The following PYROXD2 variants were observed in gnomAD, a reference collection of about 807,000 sequenced individuals.
The protein encoded by PYROXD2 is pyridine nucleotide-disulphide oxidoreductase domain 2, also known as pyridine nucleotide-disulfide oxidoreductase domain-containing protein 2.
In PYROXD2, 69 loss-of-function variants were observed where a neutral mutation model predicts 71.1. That is an observed-to-expected ratio of 0.97 (90% confidence interval 0.80 to 1.19). PYROXD2 has a LOEUF of 1.19. PYROXD2 is among the 50% of genes most tolerant of loss of function. PYROXD2 has a pLI of 0.00. For synonymous variants in PYROXD2, 287 were observed against 302.7 expected (o/e 0.95, Z 0.54); for missense variants, 745 against 748.9 (o/e 0.99, Z 0.06).
rs376971087 is a variant in PYROXD2, at chr10:98,388,337, C to T, written c.1447+17G>A. On this transcript the variant is annotated intron_variant, in intron 13 of 15. Transcript: ENST00000370575. ...CCCGGCTGTGGCTCTGGAGGCAGAACGTGCAGCTGTCTTTACCTCTGTCTG... is the reference window on the plus strand; with the variant it reads ...CCCGGCTGTGGCTCTGGAGGCAGAATGTGCAGCTGTCTTTACCTCTGTCTG... 8 of 1,613,474 alleles carry T rather than the reference C, an allele frequency of 5.0e-6. No homozygotes were observed. The highest frequency in any genetic ancestry group is 1.7e-5 in the Admixed American group (1 of 59,984).
chr10:98,384,908 C>T (rs1396429762), intron 15 of PYROXD2, 39 bp downstream of exon 15: 1 of 1,565,794 alleles, frequency 6.4e-7, no homozygotes, highest in Non-Finnish European at 8.6e-7. Flanking sequence ...AGTGAGCCCT[C>T]CCAGTCCCCA....
Position 98,385,024 on chromosome 10 carries a change from G to C in PYROXD2, c.1598C>G (p.Ala533Gly), listed in dbSNP as rs772691985. 1 of 1,613,916 alleles carries C rather than the reference G, an allele frequency of 6.2e-7. No individual in the cohort carries two copies. Among genetic ancestry groups the C allele is most frequent in the Non-Finnish European group, 8.5e-7 (1 of 1,179,904 alleles). Residue 533 changes from alanine to glycine, a missense_variant, in exon 15 of 16, where the codon GCC becomes GGC. Coordinates refer to ENST00000370575, the MANE Select transcript of PYROXD2 (RefSeq NM_032709.3). Reference sequence around the variant, plus strand: ...GCCAGAATGCAGGGGCACGGGGCGGGCGAAGTAGAGCTGGTCCAGGGACAT... The same window carrying C: ...GCCAGAATGCAGGGGCACGGGGCGGCCGAAGTAGAGCTGGTCCAGGGACAT... The part of the protein sequence containing the change: ...CAMSLDQLYF[A>G]RPVPLHSGYR...
intron 1 of PYROXD2, 194 bp from the exon 2 acceptor site, chr10:98,411,152 A>C: frequency 3.8e-6 from 3 of 782,720 alleles, no homozygotes; most frequent in Non-Finnish European, 4.0e-6. Context: ...ATCTTCAAGG[A>C]GTCAGAAAAC....
At chr10:98,385,642 C>T (rs115895176) in intron 14 of PYROXD2, among the ~76,000 whole-genome samples, 1,717 of 152,338 alleles carry the variant, frequency 0.011, 27 homozygotes, top group African/African-American at 0.039. Flanking sequence ...TGGGCATCCT[C>T]ACAGGAGTGC....
intron 10 of PYROXD2, 69 bp from the exon 11 acceptor site, chr10:98,391,151 G>C (rs1842933889): frequency 9.8e-7 from 1 of 1,017,826 alleles, no homozygotes; most frequent in African/African-American, 1.6e-5. Flanking sequence ...TTCTTTCTTT[G>C]CTCAGGAAGA....
At position 98,383,803 on chromosome 10, in the gene PYROXD2, T is replaced by G; in HGVS notation, c.1741A>C (p.Met581Leu). 4.3e-6 allele frequency: 7 copies of G among 1,613,876 alleles called. No homozygotes were observed. The highest frequency in any genetic ancestry group is 5.1e-6 in the Non-Finnish European group (6 of 1,179,780). ...AHVAFRDLKSM is the reference protein window; with the variant it reads ...AHVAFRDLKSL Reference sequence around the variant, plus strand: ...GGGTCAGAGCTGGTTCAGGGTCACATGCTCTTGAGGTCCCTAAAGGCCACA... The same window carrying G: ...GGGTCAGAGCTGGTTCAGGGTCACAGGCTCTTGAGGTCCCTAAAGGCCACA... The change falls in exon 16 of 16, where the codon ATG becomes CTG. Residue 581 changes from methionine (M) to leucine (L), a missense_variant. Physicochemically the swap from Met to Leu is conservative, Grantham distance 15 (BLOSUM62 2). Transcript: ENST00000370575.
At chr10:98,412,011 G>T (rs570598897) in intron 1 of PYROXD2, 2 of 152,358 alleles carry the variant, frequency 1.3e-5, no homozygotes, top group South Asian at 4.1e-4. Context: ...CCTGGGCTCA[G>T]CCCAGCCTCT....
At chr10:98,409,857 C>T (rs1049401423) in intron 2 of PYROXD2, among the ~76,000 whole-genome samples, 37 of 152,132 alleles carry the variant, frequency 2.4e-4, no homozygotes, top group African/African-American at 8.0e-4. Flanking sequence ...GCAGGCGGGT[C>T]ACCTGAGATC....
chr10:98,396,684 C>T (rs1051057272), intron 6 of PYROXD2, among the ~76,000 whole-genome samples: 2 of 152,206 alleles, frequency 1.3e-5, no homozygotes, highest in African/African-American at 4.8e-5. Context: ...ATTCTAGCCA[C>T]AGCCATGATG....
chr10:98,393,733 G>A (rs555661024), intron 8 of PYROXD2, among the ~76,000 whole-genome samples: 3 of 152,028 alleles, frequency 2.0e-5, no homozygotes, highest in African/African-American at 7.2e-5. Context: ...TTAAAGCCCA[G>A]CTCTGCTCCT....
intron 4 of PYROXD2, among the ~76,000 whole-genome samples, chr10:98,407,312 C>T (rs1450291375): frequency 2.6e-5 from 4 of 152,208 alleles, no homozygotes; most frequent in East Asian, 1.9e-4. Flanking sequence ...AGGTGTCCCA[C>T]GTGGGCCTGA....
chr10:98,387,282 G>A lies in PYROXD2; in HGVS notation c.1473C>T (p.Ala491=), dbSNP rs765428848. 3.1e-6 allele frequency: 5 copies of A among 1,613,892 alleles called. No homozygotes were observed. The African/African-American group carries it at 5.3e-5, about 17-fold the overall frequency. The part of the protein sequence containing the change: ...DRVFDCIEVY[A]PGFKDSVVGR... Reference sequence around the variant, plus strand: ...CAACCACAGAGTCCTTGAAGCCAGGGGCATAGACCTCGATGCAATCAAACA... The same window carrying A: ...CAACCACAGAGTCCTTGAAGCCAGGAGCATAGACCTCGATGCAATCAAACA... The change falls in exon 14 of 16, where the codon GCC becomes GCT. Residue 491 remains alanine, a synonymous_variant. Coordinates refer to ENST00000370575, the MANE Select transcript of PYROXD2 (RefSeq NM_032709.3).
chr10:98,388,608 C>G, intron 12 of PYROXD2, 100 bp from the exon 13 acceptor site: 1 of 1,248,294 alleles, frequency 8.0e-7, no homozygotes, highest in African/African-American at 1.6e-5. Context: ...TGAGATGACA[C>G]CAATTCTGGG....
At chr10:98,397,572 A>AC (rs61159293) in intron 5 of PYROXD2, 74 bp from the exon 6 acceptor site, 23 of 1,448,288 alleles carry the variant, frequency 1.6e-5, no homozygotes, top group Admixed American at 7.0e-5. Context: ...ATGGCCTGTC[A>AC]CCCCCCCACA....
rs1053340558 is a variant in PYROXD2 at position 98,388,239 on chromosome 10, C to T, written c.1447+115G>A. Reference sequence around the variant, plus strand: ...TGAGGTTCCCTTGACTATTTCCTCCCTTTGGAATGGCACCTGCAGTTGTCA... The same window carrying T: ...TGAGGTTCCCTTGACTATTTCCTCCTTTTGGAATGGCACCTGCAGTTGTCA... On this transcript the variant is annotated intron_variant, in intron 13 of 15. Transcript: ENST00000370575. 14 of 1,060,282 alleles carry T rather than the reference C, an allele frequency of 1.3e-5. No homozygotes were observed. The African/African-American group carries it at 1.9e-4, about 14-fold the overall frequency. 65.7% of individuals were successfully genotyped at this position (1,060,282 alleles called of 1,614,324 possible).
At chr10:98,390,548 C>G (rs756784147) in intron 12 of PYROXD2, 50 bp downstream of exon 12, 6 of 1,517,354 alleles carry the variant, frequency 4.0e-6, no homozygotes, top group Non-Finnish European at 5.3e-6. Flanking sequence ...GCCCCGCCTC[C>G]CAGGCCCATG....
Position 98,384,924 on chromosome 10 carries a change from T to C in PYROXD2, c.1675+23A>G, listed in dbSNP as rs374322879. On this transcript the variant is annotated intron_variant, in intron 15 of 15. Transcript: ENST00000370575. ...GTGAGCCCTCCCAGTCCCCACAGGG[T>C]AGTGGGACTCCAGGTCACTCACCAG... is the stretch of plus-strand genomic sequence containing the variant. 8 of 1,603,210 alleles carry C rather than the reference T, an allele frequency of 5.0e-6. No individual in the cohort carries two copies. In the African/African-American group the frequency reaches 8.0e-5, roughly 16 times the overall value.
Position 98,393,023 on chromosome 10 carries a change from G to T in PYROXD2, c.846C>A (p.Tyr282Ter). The T allele has an allele frequency of 2.5e-6, 4 of 1,609,690 alleles. No individual in the cohort carries two copies. Among genetic ancestry groups the T allele is most frequent in the Non-Finnish European group, 3.4e-6 (4 of 1,176,778 alleles). Residue 282 changes from tyrosine (Y) to a stop codon, truncating the protein, a stop_gained, in exon 9 of 16, where the codon TAC becomes TAA. Transcript: ENST00000370575. LOFTEE classifies it high-confidence loss of function. Reference protein sequence around the residue: ...GLEGMQGAWGYVQGGMGALSD... With the variant: ...GLEGMQGAWG The stretch of plus-strand genomic sequence containing the variant: ...AGAGGGCACCCATGCCCCCCTGGAC[G>T]TAGCCCCAGGCCCCCTGCATTCCCT...
At chr10:98,408,214 A>G (rs1166980686) in intron 2 of PYROXD2, among the ~76,000 whole-genome samples, 2 of 152,012 alleles carry the variant, frequency 1.3e-5, no homozygotes, top group African/African-American at 4.8e-5. Flanking sequence ...CTAAGATCCG[A>G]CAGGCCTGCT....
Sources: allele counts gnomAD v4.1 joint callset (sites outside exome capture counted in the v4.1 genomes callset), GRCh38; gene constraint gnomAD v4.1.1; transcripts MANE v1.5; gene names NCBI Gene and HGNC (gene_info 2026-07-23, HGNC 2026-07-21).